The following SAMM50 variants were observed in gnomAD, a reference collection of about 807,000 sequenced individuals.
The protein encoded by SAMM50 is SAMM50 sorting and assembly machinery component.
In SAMM50, 47 loss-of-function variants were observed where a neutral mutation model predicts 66.9. That is an observed-to-expected ratio of 0.70 (90% CI 0.56 to 0.90). The LOEUF (loss-of-function observed/expected upper bound fraction) is 0.90, where lower values mean the gene tolerates loss of function less well. Ranked by LOEUF, SAMM50 falls within the 40% of genes least tolerant of loss-of-function variation. SAMM50 has a pLI of 0.00. For missense variants in SAMM50, 535 were observed against 595.3 expected (o/e 0.90, Z 1.05); for synonymous variants, 191 against 214.1 (o/e 0.89, Z 0.94).
chr22:43,984,784 ACGC>A (rs2050283555), intron 12 of SAMM50, among the ~76,000 whole-genome samples: 1 of 151,200 alleles, frequency 6.6e-6, no homozygotes. Context: ...ACACACCACC[ACGC>A]CTGGCTAACT....
intron 14 of SAMM50, among the ~76,000 whole-genome samples, chr22:43,993,559 C>G (rs2050337055): frequency 6.6e-6 from 1 of 152,208 alleles, no homozygotes; most frequent in Non-Finnish European, 1.5e-5. Context: ...CATTTAAAGA[C>G]CAGGCTATAA....
chr22:43,990,427 T>G (rs767240006), intron 14 of SAMM50, 21 bp downstream of exon 14: 3 of 1,610,532 alleles, frequency 1.9e-6, no homozygotes, highest in Non-Finnish European at 2.5e-6. Context: ...GGAATTATTT[T>G]CCACAATCAC....
intron 3 of SAMM50, among the ~76,000 whole-genome samples, chr22:43,965,414 G>T (rs1054294323): frequency 1.3e-5 from 2 of 151,952 alleles, no homozygotes; most frequent in Admixed American, 6.6e-5. Context: ...TGTCATGTTG[G>T]CCAGGCTGGT....
In SAMM50 at chr22:43,981,385, G is replaced by T. The variant is rs2050263847; in HGVS notation, c.937-6G>T. On this transcript the variant is annotated splice_region_variant and splice_polypyrimidine_tract_variant and intron_variant, in intron 10 of 14. Transcript: ENST00000350028. ...AGAAAACAACCATTTGTTTCTATTT[G>T]AACAGGTTTTTTCAGCGTCTTTCTG... The T allele has an allele frequency of 2.5e-6, 4 of 1,612,006 alleles. No homozygotes were observed. The South Asian group carries it at 3.3e-5, about 13-fold the overall frequency.
intron 3 of SAMM50, among the ~76,000 whole-genome samples, chr22:43,965,005 G>A (rs567880349): frequency 2.6e-5 from 4 of 151,854 alleles, no homozygotes; most frequent in Non-Finnish European, 4.4e-5. Flanking sequence ...ACTGCACCCC[G>A]TTTCTCATCT....
At chr22:43,981,545 A>G in intron 11 of SAMM50, 84 bp downstream of exon 11, 1 of 978,792 alleles carries the variant, frequency 1.0e-6, no homozygotes, top group African/African-American at 1.6e-5. Flanking sequence ...ATTTTAGAGA[A>G]GTTTATTTAG....
intron 7 of SAMM50, chr22:43,974,519 C>T (rs1286060125): frequency 6.6e-6 from 1 of 152,324 alleles, no homozygotes; most frequent in Non-Finnish European, 1.5e-5. Flanking sequence ...GCCATGAGAA[C>T]TCAGAGCACA....
chr22:43,978,353 T>C (rs1399997365), intron 10 of SAMM50, among the ~76,000 whole-genome samples: 2 of 142,516 alleles, frequency 1.4e-5, no homozygotes, highest in Non-Finnish European at 3.0e-5. Flanking sequence ...GAGAATGGCA[T>C]GAACTCCGGA....
rs767280050 is a variant in SAMM50, at chr22:43,976,807, C to T, written c.835C>T (p.Leu279=). Residue 279 remains leucine, a synonymous_variant, in exon 9 of 15, where the codon CTG becomes TTG. Coordinates refer to ENST00000350028, the MANE Select transcript of SAMM50 (RefSeq NM_015380.5). Reference sequence around the variant, plus strand: ...CATCTTACCAAGGAGAGGTGCTTTGCTGAAAGTTAACCAGGTAGTGTTGTT... The same window carrying T: ...CATCTTACCAAGGAGAGGTGCTTTGTTGAAAGTTAACCAGGTAGTGTTGTT... ...SSILPRRGAL[L]KVNQELAGYT... is the part of the protein sequence containing the mutation. The T allele has an allele frequency of 1.2e-6, 2 of 1,610,078 alleles. No individual in the cohort carries two copies. The highest frequency in any genetic ancestry group is 4.5e-5 in the East Asian group (2 of 44,648).
intron 7 of SAMM50, 147 bp from the exon 8 acceptor site, chr22:43,975,908 C>G: frequency 1.3e-6 from 1 of 787,176 alleles, no homozygotes; most frequent in South Asian, 2.0e-5. Flanking sequence ...TCCCCTTCTT[C>G]TCTTCTTCCC....
chr22:43,975,909 T>C, intron 7 of SAMM50, 146 bp from the exon 8 acceptor site: 1 of 799,176 alleles, frequency 1.3e-6, no homozygotes, highest in Admixed American at 2.9e-5. Context: ...CCCCTTCTTC[T>C]CTTCTTCCCC....
chr22:43,996,094 A>G, intron 14 of SAMM50: 1 of 625,562 alleles, frequency 1.6e-6, no homozygotes, highest in East Asian at 2.7e-5. Context: ...GTGCAGGAGG[A>G]TTTGGGTCTC....
intron 14 of SAMM50, among the ~76,000 whole-genome samples, chr22:43,994,603 C>T (rs1312539239): frequency 1.3e-5 from 2 of 152,124 alleles, no homozygotes; most frequent in Non-Finnish European, 2.9e-5. Flanking sequence ...GACCCTGTGC[C>T]GGCAGTGGCA....
At chr22:43,993,696 T>G (rs1394938926) in intron 14 of SAMM50, among the ~76,000 whole-genome samples, 1 of 152,172 alleles carries the variant, frequency 6.6e-6, no homozygotes, top group African/African-American at 2.4e-5. Flanking sequence ...GAGGCCTTGT[T>G]TGAGGTTGGT....
At chr22:43,961,376 T>A (rs993700673) in intron 1 of SAMM50, among the ~76,000 whole-genome samples, 3 of 152,144 alleles carry the variant, frequency 2.0e-5, no homozygotes, top group Non-Finnish European at 4.4e-5. Context: ...CAAGCAAACA[T>A]AGGAACAAAT....
chr22:43,968,654 C>A, intron 3 of SAMM50, 77 bp from the exon 4 acceptor site: 1 of 1,001,068 alleles, frequency 1.0e-6, no homozygotes, highest in Non-Finnish European at 1.6e-6. Flanking sequence ...AACTACCAGC[C>A]TCGCCGTGTG....
At chr22:43,996,161 C>T in intron 14 of SAMM50, 177 bp from the exon 15 acceptor site, 1 of 723,248 alleles carries the variant, frequency 1.4e-6, no homozygotes, top group Non-Finnish European at 2.5e-6. Flanking sequence ...AGGTTCTTAA[C>T]CAGCAAAGGA....
intron 3 of SAMM50, among the ~76,000 whole-genome samples, chr22:43,966,784 A>G (rs1203301085): frequency 2.0e-5 from 3 of 148,680 alleles, no homozygotes; most frequent in Non-Finnish European, 4.4e-5. Flanking sequence ...AATTGTATTT[A>G]TTTAATTATG....
intron 3 of SAMM50, 133 bp from the exon 4 acceptor site, chr22:43,968,598 T>C: frequency 1.5e-6 from 1 of 659,128 alleles, no homozygotes; most frequent in South Asian, 1.8e-5. Flanking sequence ...GTGGCTGGTC[T>C]TGGTAGTGCT....
Sources: allele counts gnomAD v4.1 joint callset (sites outside exome capture counted in the v4.1 genomes callset), GRCh38; gene constraint gnomAD v4.1.1; transcripts MANE v1.5; gene names NCBI Gene and HGNC (gene_info 2026-07-23, HGNC 2026-07-21).